Variants in TRPC7 observed in about 807,000 individuals in gnomAD.
TRPC7 encodes the protein transient receptor potential cation channel subfamily C member 7.
Under a neutral mutation model 90.1 loss-of-function variants are expected in TRPC7, and 42 were observed. The observed-to-expected ratio is 0.47, with a 90% CI of 0.36 to 0.60. The LOEUF is 0.60. Ranked by LOEUF, TRPC7 falls within the 20% of genes least tolerant of loss-of-function variation. The pLI, the probability that TRPC7 is intolerant of heterozygous loss-of-function variation, is 0.00. For missense variants in TRPC7, 955 were observed against 1,112.3 expected, an observed-to-expected ratio of 0.86 and a Z score of 2.01; for synonymous variants, 451 against 436.3, an observed-to-expected ratio of 1.03 and a Z score of -0.42.
At chr5:136,285,422 A>T (rs1757682372) in intron 3 of TRPC7, among the ~76,000 whole-genome samples, 1 of 152,208 alleles carries the variant, frequency 6.6e-6, no homozygotes, top group Non-Finnish European at 1.5e-5. Context: ...CCCAGTGGAC[A>T]ATGATAATTT....
intron 11 of TRPC7, among the ~76,000 whole-genome samples, chr5:136,215,198 C>T (rs896550782): frequency 1.3e-5 from 2 of 152,040 alleles, no homozygotes; most frequent in African/African-American, 4.8e-5. Context: ...TAGAAGCAAG[C>T]GGCGGCAGAC....
chr5:136,288,137 C>T (rs184251150), intron 3 of TRPC7, among the ~76,000 whole-genome samples: 5 of 151,984 alleles, frequency 3.3e-5, no homozygotes, highest in African/African-American at 1.2e-4. Context: ...GAAACTGAGG[C>T]AGAGGGCTAA....
At chr5:136,362,413 C>A (rs1760596134) in intron 1 of TRPC7, among the ~76,000 whole-genome samples, 1 of 151,740 alleles carries the variant, frequency 6.6e-6, no homozygotes, top group African/African-American at 2.4e-5. Context: ...AGACAAATGG[C>A]AATGTAATGA....
intron 6 of TRPC7, among the ~76,000 whole-genome samples, chr5:136,249,538 C>G (rs894547389): frequency 1.3e-5 from 2 of 152,130 alleles, no homozygotes; most frequent in South Asian, 4.1e-4. Context: ...AAAAGGAATT[C>G]TTTTTTTCTG....
At chr5:136,329,008 C>T (rs1036698164) in intron 2 of TRPC7, among the ~76,000 whole-genome samples, 3 of 152,234 alleles carry the variant, frequency 2.0e-5, no homozygotes, top group South Asian at 2.1e-4. Flanking sequence ...CACTGCGCAC[C>T]ACCTTCCTCA....
chr5:136,300,525 C>A (rs1324095238), intron 3 of TRPC7, among the ~76,000 whole-genome samples: 1 of 152,198 alleles, frequency 6.6e-6, no homozygotes, highest in Non-Finnish European at 1.5e-5. Flanking sequence ...AGATGGACTA[C>A]CACCATAAGT....
At position 136,248,645 on chromosome 5, in the gene TRPC7, C is replaced by G. The variant is rs796947355; in HGVS notation, c.1580-910G>C. ...CAGGTTTGCCACGACAGCCCTGTTC[C>G]AGGTAGGCAAGGGTCCTAGGACTGA... On this transcript the variant is annotated intron_variant, in intron 6 of 11. Coordinates refer to ENST00000513104, the MANE Select transcript of TRPC7 (RefSeq NM_020389.3). Among the ~76,000 whole-genome samples, 105 of 152,316 alleles carry G rather than the reference C, an allele frequency of 6.9e-4. 1 individual carries two copies. Among genetic ancestry groups the G allele is most frequent in the African/African-American group, 2.5e-3 (102 of 41,564 alleles).
intron 7 of TRPC7, among the ~76,000 whole-genome samples, chr5:136,232,170 A>T (rs1362698320): frequency 1.3e-5 from 2 of 152,180 alleles, no homozygotes; most frequent in African/African-American, 4.8e-5. Context: ...ACACCTGGGT[A>T]AATGTTTGTT....
intron 3 of TRPC7, among the ~76,000 whole-genome samples, chr5:136,300,235 A>G (rs1254953669): frequency 6.6e-6 from 1 of 152,186 alleles, no homozygotes; most frequent in Admixed American, 6.5e-5. Flanking sequence ...ATGTCAGGTG[A>G]TTTACAGAAT....
At chr5:136,245,999 G>A (rs1261748928) in intron 7 of TRPC7, among the ~76,000 whole-genome samples, 1 of 152,184 alleles carries the variant, frequency 6.6e-6, no homozygotes, top group African/African-American at 2.4e-5. Flanking sequence ...CCCTCCAGGA[G>A]ACTATCTGGC....
chr5:136,346,232 A>AAT (rs1354121131), intron 2 of TRPC7, among the ~76,000 whole-genome samples: 1 of 152,070 alleles, frequency 6.6e-6, no homozygotes, highest in Non-Finnish European at 1.5e-5. Context: ...AGTGTAATAA[A>AAT]ATATATATAT....
chr5:136,307,841 G>A (rs1580935202), intron 3 of TRPC7, among the ~76,000 whole-genome samples: 1 of 152,168 alleles, frequency 6.6e-6, no homozygotes, highest in African/African-American at 2.4e-5. Flanking sequence ...AATCAGTATG[G>A]CAAACAGTTT....
At chr5:136,229,626 A>C (rs1225089511) in intron 8 of TRPC7, among the ~76,000 whole-genome samples, 1 of 152,168 alleles carries the variant, frequency 6.6e-6, no homozygotes, top group African/African-American at 2.4e-5. Flanking sequence ...AGAGGCTCAG[A>C]AGGAGCCAAC....
chr5:136,307,267 T>C (rs1300175724), intron 3 of TRPC7, among the ~76,000 whole-genome samples: 1 of 152,178 alleles, frequency 6.6e-6, no homozygotes, highest in Admixed American at 6.5e-5. Flanking sequence ...CTTTGTACTC[T>C]TTGATTGACA....
intron 2 of TRPC7, among the ~76,000 whole-genome samples, chr5:136,348,797 C>T (rs1740974175): frequency 6.6e-6 from 1 of 152,140 alleles, no homozygotes; most frequent in Non-Finnish European, 1.5e-5. Flanking sequence ...GAATTTACTG[C>T]TAATAAAACA....
rs1196733827 is a variant in TRPC7, at chr5:136,356,618, G to C, written c.770C>G (p.Thr257Ser). The C allele has an allele frequency of 1.3e-6, 2 of 1,533,012 alleles. No homozygotes were observed. The highest frequency in any genetic ancestry group is 8.8e-7 in the Non-Finnish European group (1 of 1,139,748). The allele number at this position is 1,533,012 out of a possible 1,614,324, so 95.0% of individuals were successfully genotyped here. A position where few individuals can be genotyped will look rare whatever the true frequency, so the allele number is the denominator to read the frequency against. The change falls in exon 2 of 12, where the codon ACT becomes AGT. Residue 257 changes from threonine (T) to serine (S), a missense_variant. Thr to Ser is a moderately conservative substitution (Grantham distance 58). Transcript: ENST00000513104. ...NELARLANIE[T>S]EFKNDYRKLS... ...AAGTGGAAGAGTTACCTTAAATTCA[G>C]TCTCAATGTTGGCTAGTCTGGCTAA...
At chr5:136,318,434 A>G (rs1458946941) in intron 2 of TRPC7, among the ~76,000 whole-genome samples, 1 of 151,978 alleles carries the variant, frequency 6.6e-6, no homozygotes, top group Admixed American at 6.5e-5. Context: ...AAGTGAGACC[A>G]GAGAGATAAA....
At chr5:136,295,362 CG>C (rs1433345597) in intron 3 of TRPC7, among the ~76,000 whole-genome samples, 4 of 152,170 alleles carry the variant, frequency 2.6e-5, no homozygotes, top group African/African-American at 9.6e-5. Flanking sequence ...TGTATAAGGG[CG>C]GCTACCTGTG....
At chr5:136,257,417 G>A (rs1426360498) in intron 5 of TRPC7, among the ~76,000 whole-genome samples, 3 of 152,098 alleles carry the variant, frequency 2.0e-5, no homozygotes, top group African/African-American at 7.2e-5. Flanking sequence ...TCCTGACCTC[G>A]TGATCCTCCC....
Sources: allele counts gnomAD v4.1 joint callset (sites outside exome capture counted in the v4.1 genomes callset), GRCh38; gene constraint gnomAD v4.1.1; transcripts MANE v1.5; gene names NCBI Gene and HGNC (gene_info 2026-07-23, HGNC 2026-07-21).